MAGI1: variants seen among roughly 807,000 people sequenced by gnomAD.
The protein encoded by MAGI1 is membrane-associated guanylate kinase, WW and PDZ domain-containing protein 1.
In MAGI1, 58 loss-of-function variants were observed where a neutral mutation model predicts 139.9. The observed-to-expected ratio is 0.41, with a 90% CI of 0.34 to 0.52. The LOEUF (loss-of-function observed/expected upper bound fraction) is 0.52. Ranked by LOEUF, MAGI1 falls within the 20% of genes least tolerant of loss-of-function variation. MAGI1 has a pLI of 0.12. For synonymous variants in MAGI1, 812 were observed against 737.9 expected, an observed-to-expected ratio of 1.10 and a Z score of -1.63; for missense variants, 1,874 against 1,901.6, an observed-to-expected ratio of 0.99 and a Z score of 0.27.
intron 1 of MAGI1, among the ~76,000 whole-genome samples, chr3:65,736,781 T>G (rs1338216152): frequency 1.3e-5 from 2 of 152,178 alleles, no homozygotes; most frequent in East Asian, 3.9e-4. Context: ...TTACTCAGTT[T>G]ATTGATTCAA....
At chr3:65,390,218 G>A (rs1943802393) in intron 14 of MAGI1, among the ~76,000 whole-genome samples, 1 of 152,142 alleles carries the variant, frequency 6.6e-6, no homozygotes, top group African/African-American at 2.4e-5. Flanking sequence ...GTGCTGAGGG[G>A]AGGATGAGCA....
chr3:65,748,811 G>A (rs1372746024), intron 1 of MAGI1, among the ~76,000 whole-genome samples: 1 of 152,136 alleles, frequency 6.6e-6, no homozygotes, highest in Non-Finnish European at 1.5e-5. Flanking sequence ...GCCTGGTGGG[G>A]GATTGATGTT....
intron 1 of MAGI1, among the ~76,000 whole-genome samples, chr3:65,846,591 G>A (rs527729377): frequency 6.6e-6 from 1 of 152,258 alleles, no homozygotes; most frequent in South Asian, 2.1e-4. Flanking sequence ...CAAAGTACCA[G>A]CAGTCATGAT....
intron 1 of MAGI1, among the ~76,000 whole-genome samples, chr3:65,636,145 G>A (rs79250508): frequency 0.048 from 7,357 of 152,224 alleles, 332 homozygotes; most frequent in African/African-American, 0.12. Context: ...CGGGAGGAGA[G>A]GGGCACCTAT....
At chr3:65,363,920 C>T (rs1941139812) in intron 20 of MAGI1, among the ~76,000 whole-genome samples, 1 of 152,064 alleles carries the variant, frequency 6.6e-6, no homozygotes, top group Admixed American at 6.5e-5. Context: ...TGCTGGATGC[C>T]CAGCCTCCCT....
chr3:65,849,763 A>G (rs1410359072), intron 1 of MAGI1, among the ~76,000 whole-genome samples: 1 of 152,078 alleles, frequency 6.6e-6, no homozygotes, highest in East Asian at 1.9e-4. Flanking sequence ...TAGACTGTGT[A>G]TTTTTCATCA....
At chr3:65,892,304 G>A (rs1243930544) in intron 1 of MAGI1, among the ~76,000 whole-genome samples, 1 of 152,026 alleles carries the variant, frequency 6.6e-6, no homozygotes, top group Admixed American at 6.6e-5. Flanking sequence ...AAGGTTGGGA[G>A]GAAACTCATT....
chr3:65,705,333 T>G (rs1576813932), intron 1 of MAGI1, among the ~76,000 whole-genome samples: 1 of 152,216 alleles, frequency 6.6e-6, no homozygotes, highest in African/African-American at 2.4e-5. Flanking sequence ...TGATGTGCTT[T>G]TTGAATTTAC....
chr3:65,668,558 T>C (rs952246585), intron 1 of MAGI1, among the ~76,000 whole-genome samples: 1 of 134,678 alleles, frequency 7.4e-6, no homozygotes, highest in Non-Finnish European at 1.5e-5. Flanking sequence ...TAGTCCTTTT[T>C]TTTCTTTTTT....
At chr3:65,617,556 AGAG>A (rs922192040) in intron 2 of MAGI1, among the ~76,000 whole-genome samples, 2 of 152,198 alleles carry the variant, frequency 1.3e-5, no homozygotes, top group African/African-American at 4.8e-5. Flanking sequence ...ACTACAATTA[AGAG>A]GAGCTGTGAA....
chr3:65,407,008 G>A (rs1284273405), intron 12 of MAGI1, among the ~76,000 whole-genome samples: 1 of 152,134 alleles, frequency 6.6e-6, no homozygotes. Context: ...ACCTATCAAT[G>A]CATAATTCTA....
chr3:65,449,564 T>C (rs1948893868), intron 6 of MAGI1, among the ~76,000 whole-genome samples: 1 of 151,934 alleles, frequency 6.6e-6, no homozygotes, highest in African/African-American at 2.4e-5. Context: ...CACCTGAGGT[T>C]GGGAGTTCGA....
At chr3:65,809,446 C>CT (rs2041081889) in intron 1 of MAGI1, among the ~76,000 whole-genome samples, 1 of 152,152 alleles carries the variant, frequency 6.6e-6, no homozygotes, top group South Asian at 2.1e-4. Context: ...AATAATACTG[C>CT]TTACCCAAGT....
intron 2 of MAGI1, among the ~76,000 whole-genome samples, chr3:65,594,036 C>G (rs544916305): frequency 1.3e-5 from 2 of 152,256 alleles, no homozygotes; most frequent in Admixed American, 6.5e-5. Context: ...TGGTAAAAGT[C>G]AGGTAACATT....
rs1173356617 is a variant in MAGI1, at chr3:65,662,553, T to C, written c.314-40465A>G. ...AAGTTTGAGAGGTCAGTATGACAGA[T>C]ATGTTTGTTTGTTTGTATGTTCTAA... On this transcript the variant is annotated intron_variant, in intron 1 of 22. Coordinates refer to ENST00000402939, the MANE Select transcript of MAGI1 (RefSeq NM_001033057.2). Among the ~76,000 whole-genome samples the C allele has an allele frequency of 3.3e-5, 5 of 152,224 alleles. 1 individual carries two copies.
chr3:65,574,941 G>A (rs1272200208), intron 2 of MAGI1, among the ~76,000 whole-genome samples: 1 of 152,018 alleles, frequency 6.6e-6, no homozygotes, highest in Non-Finnish European at 1.5e-5. Flanking sequence ...ATGGATCATA[G>A]ACATAAAACT....
intron 2 of MAGI1, among the ~76,000 whole-genome samples, chr3:65,517,994 A>G (rs1028123941): frequency 3.9e-5 from 6 of 152,188 alleles, no homozygotes; most frequent in Admixed American, 6.5e-5. Flanking sequence ...AAATTTAGAA[A>G]ATAATCTTTC....
intron 1 of MAGI1, among the ~76,000 whole-genome samples, chr3:65,963,875 T>A (rs1169563403): frequency 1.3e-5 from 2 of 152,204 alleles, no homozygotes; most frequent in African/African-American, 2.4e-5. Flanking sequence ...ATGATATCTG[T>A]GGACTGAAGG....
rs60772625 is a variant in MAGI1 at position 65,415,006 on chromosome 3, G to GA, written c.2168-13537dup. On this transcript the variant is annotated intron_variant, in intron 12 of 22. Transcript: ENST00000402939. ...ATCATGCCATTGCACTCCAGCCTGG[G>GA]AAAAAAAAAAAAACAAAAAAAAAAA... 8.1e-3 allele frequency among the ~76,000 whole-genome samples: 854 copies of GA among 105,096 alleles called. 2 individuals are homozygous for GA. The highest frequency in any genetic ancestry group is 0.022 in the African/African-American group (549 of 24,416). 68.9% of individuals were successfully genotyped at this position (105,096 alleles called of 152,430 possible).
Sources: gnomAD v4.1 joint callset for allele counts (sites outside exome capture counted in the v4.1 genomes callset) on GRCh38, gnomAD v4.1.1 for gene constraint, MANE v1.5 for transcripts, NCBI Gene and HGNC (gene_info 2026-07-23, HGNC 2026-07-21) for gene names.